The following TMEM62 variants were observed in gnomAD, a reference collection of about 807,000 sequenced individuals.
TMEM62 encodes the protein transmembrane protein 62.
In TMEM62, 41 loss-of-function variants were observed where a neutral mutation model predicts 70.4. The observed-to-expected ratio is 0.58, with a 90% confidence interval of 0.45 to 0.76. The LOEUF (loss-of-function observed/expected upper bound fraction) is 0.76, where lower values mean the gene tolerates loss of function less well. Ranked by LOEUF, TMEM62 falls within the 30% of genes least tolerant of loss-of-function variation. TMEM62 has a pLI of 0.00. For synonymous variants in TMEM62, 268 were observed against 291.0 expected (o/e 0.92, Z 0.80); for missense variants, 688 against 788.5 (o/e 0.87, Z 1.53).
intron 11 of TMEM62, among the ~76,000 whole-genome samples, chr15:43,177,328 A>G (rs1020372436): frequency 6.6e-6 from 1 of 152,078 alleles, no homozygotes; most frequent in African/African-American, 2.4e-5. Flanking sequence ...TTAGAATGGC[A>G]ATCATTAAAA....
Position 43,134,236 on chromosome 15 carries a change from T to A in TMEM62, c.181-21T>A, listed in dbSNP as rs1201085256. On this transcript the variant is annotated intron_variant, in intron 1 of 13. Transcript: ENST00000260403. ...CCTCTTCCTGGCTCAGATCTCTCTG[T>A]TCAATACCTGTTTTCGGCAGATATC... 4 of 1,609,920 alleles carry A rather than the reference T, an allele frequency of 2.5e-6. No homozygotes were observed. In the East Asian group the frequency reaches 6.7e-5, roughly 27 times the overall value.
chr15:43,135,909 G>T, intron 3 of TMEM62: 1 of 293,532 alleles, frequency 3.4e-6, no homozygotes, highest in Non-Finnish European at 6.3e-6. Context: ...TTTAAGTTCT[G>T]GGATACATGT....
intron 3 of TMEM62, among the ~76,000 whole-genome samples, chr15:43,138,285 T>A (rs2035513146): frequency 6.6e-6 from 1 of 152,144 alleles, no homozygotes; most frequent in East Asian, 1.9e-4. Context: ...CAGGGCCATC[T>A]GGACTCTGTT....
At chr15:43,139,255 G>A (rs985434860) in intron 4 of TMEM62, among the ~76,000 whole-genome samples, 16 of 152,218 alleles carry the variant, frequency 1.1e-4, no homozygotes, top group Middle Eastern at 3.4e-3. Flanking sequence ...TATAAGTCCA[G>A]GAACTTAATC....
chr15:43,167,292 T>A (rs1356658787), intron 10 of TMEM62, among the ~76,000 whole-genome samples: 1 of 143,562 alleles, frequency 7.0e-6, no homozygotes, highest in East Asian at 2.2e-4. Context: ...CCGGACGGGG[T>A]GGCTGCCGGG....
chr15:43,157,576 G>C (rs1007313963), intron 9 of TMEM62, among the ~76,000 whole-genome samples: 6 of 152,002 alleles, frequency 3.9e-5, no homozygotes, highest in Admixed American at 3.9e-4. Flanking sequence ...ATATACAAAA[G>C]AGATAATATT....
chr15:43,171,291 A>G (rs977126779), intron 11 of TMEM62, among the ~76,000 whole-genome samples: 1 of 151,756 alleles, frequency 6.6e-6, no homozygotes, highest in Non-Finnish European at 1.5e-5. Context: ...AGCCGAGATC[A>G]TGTCACTGCA....
intron 10 of TMEM62, among the ~76,000 whole-genome samples, chr15:43,167,533 G>T (rs1036227895): frequency 1.3e-5 from 2 of 151,330 alleles, no homozygotes; most frequent in African/African-American, 2.4e-5. Context: ...ATGGGCAGCC[G>T]GGCAGAGACG....
chr15:43,182,949 T>C (rs181425717), intron 13 of TMEM62, among the ~76,000 whole-genome samples: 1 of 152,380 alleles, frequency 6.6e-6, no homozygotes, highest in Admixed American at 6.5e-5. Context: ...ATCTCTGATC[T>C]AGACCTCTTC....
At chr15:43,156,193 C>G (rs1022345206) in intron 9 of TMEM62, among the ~76,000 whole-genome samples, 1 of 152,100 alleles carries the variant, frequency 6.6e-6, no homozygotes, top group Non-Finnish European at 1.5e-5. Flanking sequence ...TTTTATCCCC[C>G]CTACAGAGAC....
intron 8 of TMEM62, among the ~76,000 whole-genome samples, chr15:43,152,988 T>C (rs2037583515): frequency 6.6e-6 from 1 of 152,212 alleles, no homozygotes; most frequent in Non-Finnish European, 1.5e-5. Context: ...TCTATTCTAA[T>C]TCCTGATTTG....
At chr15:43,143,276 G>C (rs1332359521) in intron 4 of TMEM62, among the ~76,000 whole-genome samples, 2 of 152,106 alleles carry the variant, frequency 1.3e-5, no homozygotes, top group African/African-American at 4.8e-5. Context: ...TGGCCAGGCT[G>C]GTCTCAAACT....
At chr15:43,138,478 A>G in intron 3 of TMEM62, 96 bp from the exon 4 acceptor site, 1 of 1,009,754 alleles carries the variant, frequency 9.9e-7, no homozygotes, top group African/African-American at 1.6e-5. Context: ...AAGAATTGTT[A>G]TAGAAAGAAT....
In TMEM62 at chr15:43,148,760, G is replaced by T; in HGVS notation, c.624G>T (p.Lys208Asn). 3.7e-6 allele frequency: 6 copies of T among 1,612,854 alleles called. No homozygotes were observed. Among genetic ancestry groups the T allele is most frequent in the Non-Finnish European group, 5.1e-6 (6 of 1,179,720 alleles). ...CCATTTTTCTCCCATCTCAGAAAAA[G>T]ATGGAGGAGCTCTTATTACTGGCCA... ...YNFFGILDKKKMEELLLLAKE... is the reference protein window; with the variant it reads ...YNFFGILDKKNMEELLLLAKE... The change falls in exon 6 of 14, where the codon AAG (lysine) becomes AAT (asparagine). Residue 208 changes from lysine (K) to asparagine (N), a missense_variant. Lys to Asn is a moderately conservative substitution (Grantham distance 94, BLOSUM62 0). Coordinates refer to ENST00000260403, the MANE Select transcript of TMEM62 (RefSeq NM_024956.4).
chr15:43,147,963 T>C (rs2036881126), intron 5 of TMEM62, among the ~76,000 whole-genome samples: 3 of 152,218 alleles, frequency 2.0e-5, no homozygotes, highest in Non-Finnish European at 2.9e-5. Flanking sequence ...TTTTTTGAAA[T>C]CAACTTTTGA....
chr15:43,135,687 T>C, intron 3 of TMEM62, 38 bp downstream of exon 3: 2 of 1,535,188 alleles, frequency 1.3e-6, no homozygotes, highest in Admixed American at 4.8e-5. Context: ...AGACAAGAGT[T>C]TTTTTCCCCC....
At chr15:43,137,005 A>T (rs1267230443) in intron 3 of TMEM62, among the ~76,000 whole-genome samples, 1 of 152,028 alleles carries the variant, frequency 6.6e-6, no homozygotes, top group Non-Finnish European at 1.5e-5. Flanking sequence ...CTCCTACCTC[A>T]TTCTCCCAAA....
Position 43,151,789 on chromosome 15 carries a change from G to A in TMEM62, c.867-1G>A. The A allele has an allele frequency of 6.2e-7, 1 of 1,612,776 alleles. No individual in the cohort carries two copies. The highest frequency in any genetic ancestry group is 8.5e-7 in the Non-Finnish European group (1 of 1,179,406). On this transcript the variant is annotated splice_acceptor_variant, in intron 7 of 13. Transcript: ENST00000260403. LOFTEE classifies it high-confidence loss of function. ...TTACCTTATCATTATCTGGTCTTTA[G>A]GTACCGGATTTTTGCTTTTGATCAC...
intron 10 of TMEM62, among the ~76,000 whole-genome samples, chr15:43,162,802 T>A (rs1226644006): frequency 6.6e-6 from 1 of 152,144 alleles, no homozygotes; most frequent in Non-Finnish European, 1.5e-5. Context: ...CTCTACTGTA[T>A]AAATAATGCT....
Sources: allele counts gnomAD v4.1 joint callset (sites outside exome capture counted in the v4.1 genomes callset), GRCh38; gene constraint gnomAD v4.1.1; transcripts MANE v1.5; gene names NCBI Gene and HGNC (gene_info 2026-07-23, HGNC 2026-07-21).